BRINP1: variants seen among roughly 807,000 people sequenced by gnomAD.
BRINP1 encodes BMP/retinoic acid inducible neural specific 1.
A neutral mutation model predicts 72.9 loss-of-function variants in BRINP1; 17 were observed. The observed-to-expected ratio is 0.23, with a 90% confidence interval of 0.16 to 0.35. BRINP1 has a LOEUF of 0.35. Ranked by LOEUF, BRINP1 falls within the 10% of genes least tolerant of loss-of-function variation. The pLI is 1.00. For missense variants in BRINP1, 850 were observed against 1,001.6 expected (o/e 0.85, Z 2.04); for synonymous variants, 418 against 378.5 (o/e 1.10, Z -1.21).
At chr9:119,216,307 C>T (rs1409659576) in intron 5 of BRINP1, among the ~76,000 whole-genome samples, 1 of 152,110 alleles carries the variant, frequency 6.6e-6, no homozygotes, top group African/African-American at 2.4e-5. Flanking sequence ...TGTCAATATG[C>T]ATGGAAGGGA....
chr9:119,261,438 GCT>G (rs1830494202), intron 2 of BRINP1, among the ~76,000 whole-genome samples: 2 of 152,236 alleles, frequency 1.3e-5, no homozygotes, highest in Admixed American at 1.3e-4. Context: ...GGTTTTTCCA[GCT>G]CTGAGTTCAT....
chr9:119,304,172 G>T (rs888745854), intron 2 of BRINP1, among the ~76,000 whole-genome samples: 3 of 152,088 alleles, frequency 2.0e-5, no homozygotes, highest in Non-Finnish European at 4.4e-5. Flanking sequence ...GAGCCACTGC[G>T]CCCGGCTGCT....
intron 1 of BRINP1, among the ~76,000 whole-genome samples, chr9:119,336,594 A>C (rs539673626): frequency 2.0e-5 from 3 of 152,268 alleles, no homozygotes; most frequent in Admixed American, 2.0e-4. Context: ...AGAGGGAGCA[A>C]GAATGCTGCA....
chr9:119,236,192 T>G (rs1031587815), intron 5 of BRINP1, among the ~76,000 whole-genome samples: 1 of 152,182 alleles, frequency 6.6e-6, no homozygotes, highest in African/African-American at 2.4e-5. Flanking sequence ...AACTGCAGTT[T>G]CTCAACATCC....
rs899953710 is a variant in BRINP1 at position 119,167,956 on chromosome 9, C to T, written c.1414G>A (p.Glu472Lys). The change falls in exon 8 of 8, where the codon GAG (glutamate) becomes AAG (lysine). Residue 472 changes from glutamate to lysine, a missense_variant. Glu to Lys is a moderately conservative substitution (Grantham distance 56). Coordinates refer to ENST00000265922, the MANE Select transcript of BRINP1 (RefSeq NM_014618.3). The surrounding 1 kb of genome is among the most constrained non-coding windows in gnomAD (Gnocchi z 4.3). ...EPQNVDSERS[E>K]QFISFETDLD... ...TCAGTCTCAAAGCTGATGAACTGCT[C>T]GCTCCGCTCCGAGTCCACGTTCTGT... 3 of 1,614,084 alleles carry T rather than the reference C, an allele frequency of 1.9e-6. No homozygotes were observed. Among genetic ancestry groups the T allele is most frequent in the African/African-American group, 2.7e-5 (2 of 74,936 alleles).
At chr9:119,318,844 G>GGGGGTGT (rs111313745) in intron 1 of BRINP1, among the ~76,000 whole-genome samples, 1,965 of 142,218 alleles carry the variant, frequency 0.014, 30 homozygotes, top group Middle Eastern at 0.022. Context: ...AAATGTGTGG[G>GGGGGTGT]GTGTGTGTGT....
intron 1 of BRINP1, among the ~76,000 whole-genome samples, chr9:119,337,558 A>T (rs1038793779): frequency 6.6e-6 from 1 of 152,232 alleles, no homozygotes; most frequent in African/African-American, 2.4e-5. Flanking sequence ...GGCTTACAGG[A>T]TCAAGTCCAA....
intron 3 of BRINP1, among the ~76,000 whole-genome samples, chr9:119,243,844 A>T (rs2118913990): frequency 6.6e-6 from 1 of 152,250 alleles, no homozygotes; most frequent in East Asian, 1.9e-4. Context: ...GAGTCATAGG[A>T]GATCATTTTA....
intron 7 of BRINP1, among the ~76,000 whole-genome samples, chr9:119,200,705 T>A (rs1829797219): frequency 6.7e-6 from 1 of 148,696 alleles, no homozygotes; most frequent in Non-Finnish European, 1.5e-5. Flanking sequence ...GGAACTTGGG[T>A]TCAATTGGAA....
intron 2 of BRINP1, among the ~76,000 whole-genome samples, chr9:119,277,515 T>C (rs1376723596): frequency 6.6e-6 from 1 of 152,196 alleles, no homozygotes; most frequent in East Asian, 1.9e-4. Flanking sequence ...GTGAACATCA[T>C]TAATGATTAT....
intron 1 of BRINP1, among the ~76,000 whole-genome samples, chr9:119,350,811 T>C (rs1831500119): frequency 6.6e-6 from 1 of 151,840 alleles, no homozygotes; most frequent in Admixed American, 6.6e-5. Flanking sequence ...GGTTGTGAAA[T>C]CAAATATATA....
intron 7 of BRINP1, among the ~76,000 whole-genome samples, chr9:119,181,951 TTAAGTTTC>T (rs1269533706): frequency 1.3e-5 from 2 of 152,218 alleles, no homozygotes; most frequent in African/African-American, 2.4e-5. Flanking sequence ...ATGATGTGCA[TTAAGTTTC>T]TAACATATAG....
At chr9:119,327,940 T>C (rs952786511) in intron 1 of BRINP1, among the ~76,000 whole-genome samples, 19 of 150,494 alleles carry the variant, frequency 1.3e-4, no homozygotes, top group African/African-American at 4.6e-4. Flanking sequence ...AGGCCAGGGC[T>C]AGAGGTAAAT....
At chr9:119,294,435 G>A (rs1830852970) in intron 2 of BRINP1, among the ~76,000 whole-genome samples, 1 of 152,178 alleles carries the variant, frequency 6.6e-6, no homozygotes, top group African/African-American at 2.4e-5. Context: ...GCTGAGGCAG[G>A]AGAATCGCTT....
At chr9:119,237,743 T>A (rs971140683) in intron 5 of BRINP1, among the ~76,000 whole-genome samples, 1 of 152,014 alleles carries the variant, frequency 6.6e-6, no homozygotes, top group African/African-American at 2.4e-5. Context: ...TTCACTGCAA[T>A]TTCGGCCTCC....
chr9:119,214,292 C>T (rs894026872), intron 5 of BRINP1, 137 bp from the exon 6 acceptor site: 2 of 658,014 alleles, frequency 3.0e-6, no homozygotes, highest in Admixed American at 5.6e-5. Context: ...ATTTCTGGGC[C>T]AACCTAGATC....
chr9:119,297,266 T>C lies in BRINP1; in HGVS notation c.218+15872A>G, dbSNP rs62567707. On this transcript the variant is annotated intron_variant, in intron 2 of 7. Transcript: ENST00000265922. ...TAGAGGGAATTGAGGCTCAGGGTTA[T>C]AATATGCTCAGGTCACAAGGTGGAT... Among the ~76,000 whole-genome samples the C allele has an allele frequency of 2.9e-3, 436 of 152,348 alleles. 5 individuals are homozygous for C. The highest frequency in any genetic ancestry group is 5.0e-3 in the Non-Finnish European group (343 of 68,034).
rs541287791 is a variant in BRINP1 at position 119,297,393 on chromosome 9, A to G, written c.218+15745T>C. Among the ~76,000 whole-genome samples, 5 of 152,262 alleles carry G rather than the reference A, an allele frequency of 3.3e-5. No individual in the cohort carries two copies. The East Asian group carries it at 7.8e-4, about 24-fold the overall frequency. On this transcript the variant is annotated intron_variant, in intron 2 of 7. Coordinates refer to ENST00000265922, the MANE Select transcript of BRINP1 (RefSeq NM_014618.3). ...CTGTATAGCCAGTGGTAACGAGCACAGACTGTGGAACCAGATTGCCTGGGT... is the reference window on the plus strand; with the variant it reads ...CTGTATAGCCAGTGGTAACGAGCACGGACTGTGGAACCAGATTGCCTGGGT...
chr9:119,220,866 G>T (rs10283757), intron 5 of BRINP1, among the ~76,000 whole-genome samples: 1,790 of 152,182 alleles, frequency 0.012, 45 homozygotes, highest in African/African-American at 0.041. Context: ...TAAAGAAAGT[G>T]AACTCAGTAT....
Sources: gnomAD v4.1 joint callset for allele counts (sites outside exome capture counted in the v4.1 genomes callset) on GRCh38, gnomAD v4.1.1 for gene constraint, Gnocchi (gnomAD v3.1) non-coding constraint, MANE v1.5 for transcripts, NCBI Gene and HGNC (gene_info 2026-07-23, HGNC 2026-07-21) for gene names.